The following RNF216 variants were observed in gnomAD, a reference collection of about 807,000 sequenced individuals.
The protein encoded by RNF216 is E3 ubiquitin-protein ligase RNF216.
In RNF216, 72 loss-of-function variants were observed where a neutral mutation model predicts 110.8. That is an observed-to-expected ratio of 0.65 (90% CI 0.54 to 0.79). The LOEUF (loss-of-function observed/expected upper bound fraction) is 0.79. Among genes scored for constraint, RNF216 ranks in the 30% least tolerant of loss-of-function variants. RNF216 has a pLI of 0.00. For synonymous variants in RNF216, 495 were observed against 407.5 expected (o/e 1.21, Z -2.59); for missense variants, 1,342 against 1,141.2 (o/e 1.18, Z -2.54).
chr7:5,733,232 T>C (rs1366496279), intron 5 of RNF216: 1 of 152,142 alleles, frequency 6.6e-6, no homozygotes, highest in Non-Finnish European at 1.5e-5. Context: ...AAAGATGCAA[T>C]ACAATGACTG....
At chr7:5,626,824 GA>G (rs1786737136) in intron 15 of RNF216, among the ~76,000 whole-genome samples, 3 of 152,204 alleles carry the variant, frequency 2.0e-5, no homozygotes, top group African/African-American at 7.2e-5. Context: ...GTTAAGGACT[GA>G]ATGAGCTCAA....
chr7:5,631,905 T>A (rs906212308), intron 15 of RNF216, among the ~76,000 whole-genome samples: 1 of 152,178 alleles, frequency 6.6e-6, no homozygotes, highest in African/African-American at 2.4e-5. Flanking sequence ...TGCTGCCTTG[T>A]ACGGATTGCT....
intron 13 of RNF216, among the ~76,000 whole-genome samples, chr7:5,678,001 G>A (rs1328844805): frequency 2.0e-5 from 3 of 152,046 alleles, no homozygotes; most frequent in African/African-American, 4.8e-5. Flanking sequence ...ACCAGATTTT[G>A]CGACTGTTCT....
intron 13 of RNF216, among the ~76,000 whole-genome samples, chr7:5,682,826 C>G (rs1278822851): frequency 1.3e-5 from 2 of 152,088 alleles, no homozygotes; most frequent in Non-Finnish European, 2.9e-5. Context: ...CTCTTGGAAT[C>G]AAGAGTCCTA....
At chr7:5,705,014 A>C (rs890568406) in intron 13 of RNF216, among the ~76,000 whole-genome samples, 1 of 152,222 alleles carries the variant, frequency 6.6e-6, no homozygotes, top group African/African-American at 2.4e-5. Context: ...ATGAAAAAAC[A>C]TACTTTAAAC....
intron 1 of RNF216, among the ~76,000 whole-genome samples, chr7:5,767,540 C>T (rs188724891): frequency 2.2e-4 from 33 of 152,166 alleles, no homozygotes; most frequent in African/African-American, 8.0e-4. Context: ...TCCCCAAAAT[C>T]CAACAGCAGA....
chr7:5,667,148 T>C (rs1310039008), intron 13 of RNF216, among the ~76,000 whole-genome samples: 1 of 152,178 alleles, frequency 6.6e-6, no homozygotes, highest in Non-Finnish European at 1.5e-5. Flanking sequence ...TATGGTGGGT[T>C]GTAAAGTCAC....
intron 10 of RNF216, 43 bp from the exon 11 acceptor site, chr7:5,715,233 A>G: frequency 1.9e-6 from 3 of 1,586,198 alleles, no homozygotes; most frequent in Non-Finnish European, 8.6e-7. Flanking sequence ...CCTGCACTTA[A>G]GGAGAGGGGG....
chr7:5,780,185 C>T (rs1262943538), intron 1 of RNF216: 1 of 152,166 alleles, frequency 6.6e-6, no homozygotes, highest in African/African-American at 2.4e-5. Flanking sequence ...GCATTCCTGG[C>T]AATTCCGTTA....
intron 13 of RNF216, among the ~76,000 whole-genome samples, chr7:5,689,362 TA>T (rs72421808): frequency 0.15 from 18,571 of 127,332 alleles, 2,071 homozygotes; most frequent in African/African-American, 0.34. Flanking sequence ...TTTGTAGTAT[TA>T]AAAAAAAAAA....
At chr7:5,707,207 G>A (rs372299694) in intron 13 of RNF216, among the ~76,000 whole-genome samples, 1 of 152,168 alleles carries the variant, frequency 6.6e-6, no homozygotes, top group African/African-American at 2.4e-5. Flanking sequence ...TTCCAGCTTT[G>A]TTCTTCTTTC....
chr7:5,700,883 C>T (rs1031185796), intron 13 of RNF216, among the ~76,000 whole-genome samples: 3 of 152,178 alleles, frequency 2.0e-5, no homozygotes, highest in African/African-American at 4.8e-5. Flanking sequence ...ACCAAGAAGA[C>T]AAACCCTGGA....
intron 13 of RNF216, among the ~76,000 whole-genome samples, chr7:5,657,111 A>G (rs529287330): frequency 1.3e-5 from 2 of 152,392 alleles, no homozygotes; most frequent in East Asian, 3.9e-4. Context: ...GAAGCAGAAC[A>G]AAGTACAAAC....
At chr7:5,714,123 T>C (rs1238020420) in intron 11 of RNF216, among the ~76,000 whole-genome samples, 1 of 152,114 alleles carries the variant, frequency 6.6e-6, no homozygotes, top group Admixed American at 6.5e-5. Flanking sequence ...CCACCACACC[T>C]GGCTAATTTT....
intron 2 of RNF216, among the ~76,000 whole-genome samples, chr7:5,755,433 G>A (rs1795585169): frequency 6.6e-6 from 1 of 152,120 alleles, no homozygotes; most frequent in Admixed American, 6.6e-5. Flanking sequence ...AATACAAAGG[G>A]CCATCTGTGT....
intron 3 of RNF216, among the ~76,000 whole-genome samples, chr7:5,749,149 A>ATTT (rs71004700): frequency 8.7e-6 from 1 of 115,004 alleles, no homozygotes; most frequent in East Asian, 2.6e-4. Flanking sequence ...ATGCCCATGT[A>ATTT]TTTTTTTTTT....
At chr7:5,704,521 C>T (rs1163891302) in intron 13 of RNF216, among the ~76,000 whole-genome samples, 2 of 152,220 alleles carry the variant, frequency 1.3e-5, no homozygotes, top group Non-Finnish European at 1.5e-5. Context: ...TCTAAATGCA[C>T]GTAGCGATTT....
At chr7:5,623,940 A>C in intron 16 of RNF216, 116 bp downstream of exon 16, 1 of 833,650 alleles carries the variant, frequency 1.2e-6, no homozygotes, top group Non-Finnish European at 1.9e-6. Flanking sequence ...CACCTGAGGG[A>C]CAGCACCCCC....
intron 9 of RNF216, among the ~76,000 whole-genome samples, chr7:5,717,958 G>A (rs1039538654): frequency 2.0e-5 from 3 of 152,084 alleles, no homozygotes; most frequent in African/African-American, 7.2e-5. Context: ...GCACACACCT[G>A]TAATCCCAGC....
Sources: allele counts gnomAD v4.1 joint callset (sites outside exome capture counted in the v4.1 genomes callset), GRCh38; gene constraint gnomAD v4.1.1; transcripts MANE v1.5; gene names NCBI Gene and HGNC (gene_info 2026-07-23, HGNC 2026-07-21).